The following VWA8 variants were observed in gnomAD, a reference collection of about 807,000 sequenced individuals.
VWA8 encodes the protein von Willebrand factor A domain containing 8, also known as von Willebrand factor A domain-containing protein 8.
VWA8 carries 221 observed loss-of-function variants against 241.5 expected under a neutral mutation model. The observed-to-expected ratio is 0.91, with a 90% CI of 0.82 to 1.02. The LOEUF is 1.02. Ranked by LOEUF, VWA8 falls within the 50% of genes least tolerant of loss-of-function variation. The pLI is 0.00. For missense variants in VWA8, 2,322 were observed against 2,328.7 expected, an observed-to-expected ratio of 1.00 and a Z score of 0.06; for synonymous variants, 852 against 827.1, an observed-to-expected ratio of 1.03 and a Z score of -0.52.
rs188289572 is a variant in VWA8, at chr13:41,953,666, G to A, written c.164-3653C>T. 5.3e-5 allele frequency among the ~76,000 whole-genome samples: 8 copies of A among 152,258 alleles called. No homozygotes were observed. The East Asian group carries it at 5.8e-4, about 11-fold the overall frequency. ...ACTAAAAATACAAAATTAGCTGAGC[G>A]TGGTGGCTGGCACATGCCTGTAATC... is the stretch of plus-strand genomic sequence containing the variant. On this transcript the variant is annotated intron_variant, in intron 1 of 44. Transcript: ENST00000379310.
intron 20 of VWA8, among the ~76,000 whole-genome samples, chr13:41,764,595 A>G (rs1221013906): frequency 6.6e-6 from 1 of 152,168 alleles, no homozygotes; most frequent in East Asian, 1.9e-4. Context: ...TTAGATCGAG[A>G]TATCAAGGAA....
chr13:41,903,559 T>C (rs984547048), intron 4 of VWA8, among the ~76,000 whole-genome samples: 1 of 152,046 alleles, frequency 6.6e-6, no homozygotes, highest in Non-Finnish European at 1.5e-5. Context: ...CTACTTTAGC[T>C]AAGAAATTTA....
intron 33 of VWA8, among the ~76,000 whole-genome samples, 194 bp from the exon 34 acceptor site, chr13:41,689,702 C>T (rs2045162686): frequency 1.3e-5 from 2 of 151,930 alleles, no homozygotes; most frequent in African/African-American, 4.8e-5. Context: ...AAAGTGATTT[C>T]AAGTATTTAC....
chr13:41,882,456 T>A (rs546016094), intron 9 of VWA8, among the ~76,000 whole-genome samples: 1 of 152,156 alleles, frequency 6.6e-6, no homozygotes, highest in Non-Finnish European at 1.5e-5. Context: ...GGCAGGCAGC[T>A]GGGAGGTGGA....
intron 7 of VWA8, 110 bp downstream of exon 7, chr13:41,886,671 C>T (rs1874554330): frequency 1.1e-6 from 1 of 945,614 alleles, no homozygotes; most frequent in South Asian, 1.5e-5. Context: ...CTGAAAAATT[C>T]TTATAAGAAT....
At chr13:41,703,777 ATTTTTT>A (rs755091767) in intron 26 of VWA8, among the ~76,000 whole-genome samples, 1 of 134,060 alleles carries the variant, frequency 7.5e-6, no homozygotes, top group African/African-American at 2.7e-5. Context: ...TTTTCAGTCT[ATTTTTT>A]TTTTTTTTTT....
chr13:41,574,545 T>C (rs900514123), intron 43 of VWA8, among the ~76,000 whole-genome samples: 6 of 152,106 alleles, frequency 3.9e-5, no homozygotes, highest in Non-Finnish European at 1.5e-5. Flanking sequence ...ATACCATCAT[T>C]ATTTTTCAAA....
rs553765252 is a variant in VWA8 at position 41,781,932 on chromosome 13, G to A, written c.2277+1863C>T. Among the ~76,000 whole-genome samples, 9 of 152,270 alleles carry A rather than the reference G, an allele frequency of 5.9e-5. No homozygotes were observed. The South Asian group carries it at 1.7e-3, about 28-fold the overall frequency. ...AACACAATGTGGTAAGGACACAACA[G>A]GGCATAGGACAACAAGATGATACAG... On this transcript the variant is annotated intron_variant, in intron 19 of 44. Transcript: ENST00000379310.
chr13:41,880,197 T>TA (rs753085786), intron 9 of VWA8, among the ~76,000 whole-genome samples: 2 of 152,208 alleles, frequency 1.3e-5, no homozygotes, highest in Non-Finnish European at 2.9e-5. Flanking sequence ...GCAATTTCCA[T>TA]AGTTTTATAT....
intron 15 of VWA8, among the ~76,000 whole-genome samples, chr13:41,817,217 G>A (rs1264399957): frequency 2.6e-5 from 4 of 152,132 alleles, no homozygotes; most frequent in Admixed American, 2.0e-4. Context: ...ACATATCTAA[G>A]TGACATAAGG....
intron 37 of VWA8, among the ~76,000 whole-genome samples, chr13:41,646,359 G>A (rs2044832453): frequency 6.6e-6 from 1 of 152,210 alleles, no homozygotes; most frequent in African/African-American, 2.4e-5. Flanking sequence ...TAATGATGAT[G>A]AGTGACGACC....
At chr13:41,767,486 T>C (rs895055777) in intron 20 of VWA8, among the ~76,000 whole-genome samples, 5 of 152,210 alleles carry the variant, frequency 3.3e-5, no homozygotes, top group African/African-American at 9.7e-5. Context: ...AAATAAGAGA[T>C]CACTGCTAAT....
chr13:41,648,386 C>T (rs2044846551), intron 37 of VWA8, among the ~76,000 whole-genome samples: 1 of 152,148 alleles, frequency 6.6e-6, no homozygotes, highest in Non-Finnish European at 1.5e-5. Flanking sequence ...TGAAATAGTT[C>T]TTCCCTTGAC....
intron 16 of VWA8, among the ~76,000 whole-genome samples, chr13:41,814,466 GAA>G (rs1294454762): frequency 6.6e-6 from 1 of 152,096 alleles, no homozygotes; most frequent in Non-Finnish European, 1.5e-5. Flanking sequence ...AGCGGTATTA[GAA>G]AATAGCAAGA....
chr13:41,703,152 A>G (rs2045260572), intron 27 of VWA8, 151 bp downstream of exon 27: 1 of 635,302 alleles, frequency 1.6e-6, no homozygotes. Context: ...GGAATTATCA[A>G]CTGAGAGGCC....
intron 9 of VWA8, among the ~76,000 whole-genome samples, chr13:41,877,557 G>A (rs1873957541): frequency 6.6e-6 from 1 of 151,952 alleles, no homozygotes; most frequent in African/African-American, 2.4e-5. Context: ...AAAAATGAAT[G>A]CTCAATTAGT....
Position 41,587,559 on chromosome 13 carries a change from C to A in VWA8, c.5224G>T (p.Val1742Leu). The A allele has an allele frequency of 2.5e-6, 4 of 1,614,178 alleles. No homozygotes were observed. Among genetic ancestry groups the A allele is most frequent in the Non-Finnish European group, 3.4e-6 (4 of 1,180,022 alleles). The part of the protein sequence containing the change: ...DGRLERTMEA[V>L]CMVMEAFENY... Reference sequence around the variant, plus strand: ...TCGAAGGCTTCCATGACCATACACACAGCCTCCATTGTGCGCTCAAGCCGG... The same window carrying A: ...TCGAAGGCTTCCATGACCATACACAAAGCCTCCATTGTGCGCTCAAGCCGG... Residue 1742 changes from valine (V) to leucine (L), a missense_variant, in exon 42 of 45, where the codon GTG becomes TTG. By Grantham distance (32) the Val-to-Leu change is conservative. Coordinates refer to ENST00000379310, the MANE Select transcript of VWA8 (RefSeq NM_015058.2).
At chr13:41,659,645 T>G (rs1370814183) in intron 37 of VWA8, among the ~76,000 whole-genome samples, 1 of 152,204 alleles carries the variant, frequency 6.6e-6, no homozygotes, top group Admixed American at 6.5e-5. Context: ...TCAAATAGAG[T>G]ATCTTACTGA....
intron 7 of VWA8, 22 bp downstream of exon 7, chr13:41,886,759 A>G: frequency 8.3e-6 from 13 of 1,568,142 alleles, no homozygotes; most frequent in Non-Finnish European, 1.1e-5. Flanking sequence ...CAGTGTCCAG[A>G]CATTTATAAA....
Sources: allele counts gnomAD v4.1 joint callset (sites outside exome capture counted in the v4.1 genomes callset), GRCh38; gene constraint gnomAD v4.1.1; transcripts MANE v1.5; gene names NCBI Gene and HGNC (gene_info 2026-07-23, HGNC 2026-07-21).